Variants in AKAP13 observed in about 807,000 individuals in gnomAD.
The protein encoded by AKAP13 is A-kinase anchoring protein 13, also known as A-kinase anchor protein 13.
AKAP13 carries 80 observed loss-of-function variants against 264.5 expected under a neutral mutation model. The observed-to-expected ratio is 0.30, with a 90% CI of 0.25 to 0.36. The LOEUF (loss-of-function observed/expected upper bound fraction) is 0.36, where lower values mean the gene tolerates loss of function less well. Among genes scored for constraint, AKAP13 ranks in the 10% least tolerant of loss-of-function variants. The pLI is 1.00. For missense variants in AKAP13, 3,712 were observed against 3,435.2 expected (o/e 1.08, Z -2.01); for synonymous variants, 1,380 against 1,250.2 (o/e 1.10, Z -2.19).
intron 26 of AKAP13, among the ~76,000 whole-genome samples, chr15:85,725,734 A>G (rs1487401699): frequency 6.6e-6 from 1 of 152,216 alleles, no homozygotes; most frequent in Non-Finnish European, 1.5e-5. Flanking sequence ...ACATCAAACC[A>G]TCCTCAGGAG....
intron 8 of AKAP13, among the ~76,000 whole-genome samples, chr15:85,624,181 A>C (rs1389523677): frequency 6.6e-6 from 1 of 152,252 alleles, no homozygotes; most frequent in African/African-American, 2.4e-5. Context: ...GTACCTGGAA[A>C]AATACTGCCT....
At chr15:85,722,885 T>G (rs1358093628) in intron 25 of AKAP13, among the ~76,000 whole-genome samples, 187 bp from the exon 26 acceptor site, 3 of 152,228 alleles carry the variant, frequency 2.0e-5, no homozygotes, top group African/African-American at 7.2e-5. Flanking sequence ...TGAAAACTTC[T>G]GACTTTTTTT....
rs536886638 is a variant in AKAP13, at chr15:85,619,467, G to A, written c.4162-19907G>A. 1.9e-5 allele frequency: 19 copies of A among 985,360 alleles called. No homozygotes were observed. The African/African-American group carries it at 3.3e-4, about 17-fold the overall frequency. The allele number at this position is 985,360 out of a possible 1,614,324, so 61.0% of individuals were successfully genotyped here. ...CCAAGCCCTACTGCCTGGTGAGCAA[G>A]AGAGATTCCAAAGACTTTACTTTGA... is the stretch of plus-strand genomic sequence containing the variant. On this transcript the variant is annotated intron_variant, in intron 8 of 36. Coordinates refer to ENST00000394518, the MANE Select transcript of AKAP13 (RefSeq NM_007200.5).
At chr15:85,483,375 C>T (rs2075407065) in intron 1 of AKAP13, among the ~76,000 whole-genome samples, 1 of 152,178 alleles carries the variant, frequency 6.6e-6, no homozygotes, top group African/African-American at 2.4e-5. Context: ...GCCTGTAATC[C>T]CAGCACTTTG....
intron 19 of AKAP13, among the ~76,000 whole-genome samples, chr15:85,713,603 T>C (rs1425366725): frequency 6.6e-6 from 1 of 152,124 alleles, no homozygotes; most frequent in Non-Finnish European, 1.5e-5. Flanking sequence ...TAGGGCCACA[T>C]CCCATAATCC....
At chr15:85,517,747 G>T (rs548320908) in intron 2 of AKAP13, among the ~76,000 whole-genome samples, 2 of 152,206 alleles carry the variant, frequency 1.3e-5, no homozygotes, top group South Asian at 4.1e-4. Context: ...GGGGTGGGGG[G>T]AGCTAACCTA....
At chr15:85,488,737 A>G (rs1232250282) in intron 2 of AKAP13, among the ~76,000 whole-genome samples, 1 of 152,208 alleles carries the variant, frequency 6.6e-6, no homozygotes, top group Non-Finnish European at 1.5e-5. Context: ...GCAGCTCTAG[A>G]AGCTGGAAAT....
At chr15:85,686,519 C>T (rs1724720673) in intron 16 of AKAP13, among the ~76,000 whole-genome samples, 3 of 151,426 alleles carry the variant, frequency 2.0e-5, no homozygotes, top group African/African-American at 2.4e-5. Flanking sequence ...AGAAAGTAGG[C>T]AATCAGGGAG....
intron 35 of AKAP13, 44 bp from the exon 36 acceptor site, chr15:85,743,448 G>C: frequency 6.3e-7 from 1 of 1,582,706 alleles, no homozygotes; most frequent in South Asian, 1.1e-5. Context: ...CATCACGGAC[G>C]CTGACAGCCT....
Position 85,581,897 on chromosome 15 carries a change from C to T in AKAP13, c.3829C>T (p.His1277Tyr), listed in dbSNP as rs374061085. 9.9e-6 allele frequency: 16 copies of T among 1,614,144 alleles called. No homozygotes were observed. In the African/African-American group the frequency reaches 1.7e-4, roughly 17 times the overall value. The part of the protein sequence containing the change: ...GALLTEGEAC[H>Y]MSLSSPELGP... ...ACTGCTTACTGAGGGGGAGGCCTGT[C>T]ACATGTCACTGTCCAGCCCTGAGTT... Residue 1277 changes from histidine (H) to tyrosine (Y), a missense_variant, in exon 7 of 37, where the codon CAC (histidine) becomes TAC (tyrosine). His to Tyr is a moderately conservative substitution (Grantham distance 83, BLOSUM62 2). Transcript: ENST00000394518.
rs188129251 is a variant in AKAP13, at chr15:85,390,510, G to T, written c.-12+9712G>T. ...GATAAGGTTTGTATGTGTAGCCAGA[G>T]ACCAGATCAAATAGGCTCTTAGGTA... On this transcript the variant is annotated intron_variant, in intron 1 of 36. Coordinates refer to ENST00000394518, the MANE Select transcript of AKAP13 (RefSeq NM_007200.5). Among the ~76,000 whole-genome samples, 54 of 152,330 alleles carry T rather than the reference G, an allele frequency of 3.5e-4. No homozygotes were observed. In the Middle Eastern group the frequency reaches 0.01, roughly 29 times the overall value.
intron 14 of AKAP13, among the ~76,000 whole-genome samples, chr15:85,680,603 C>T (rs1255584183): frequency 6.6e-6 from 1 of 152,054 alleles, no homozygotes; most frequent in Non-Finnish European, 1.5e-5. Context: ...AATGGCTCAC[C>T]CCTGTAATCC....
At position 85,718,898 on chromosome 15, in the gene AKAP13, TAAA is replaced by T; in HGVS notation, c.6002-170_6002-168del. 1 of 730,018 alleles carries T rather than the reference TAAA, an allele frequency of 1.4e-6. No homozygotes were observed. Among genetic ancestry groups the T allele is most frequent in the Non-Finnish European group, 2.1e-6 (1 of 486,664 alleles). 45.2% of individuals were successfully genotyped at this position (730,018 alleles called of 1,614,324 possible). The stretch of plus-strand genomic sequence containing the variant: ...TGGGTGACAGAGCCAGAACCTGTCT[TAAA>T]AAAAAAACAAAAAAACAAAAAAACG... On this transcript the variant is annotated intron_variant, in intron 22 of 36. Transcript: ENST00000394518. This position sits in a 1 kb window ranked among gnomAD's most constrained non-coding sequence, Gnocchi z 4.9.
intron 33 of AKAP13, among the ~76,000 whole-genome samples, chr15:85,737,456 C>T (rs2430841): frequency 0.9 from 137,036 of 152,212 alleles, 61,879 homozygotes; most frequent in East Asian, 0.98. Flanking sequence ...AGGATGTTGA[C>T]TGTGTTTCTT....
intron 1 of AKAP13, among the ~76,000 whole-genome samples, chr15:85,420,490 TA>T (rs1011006642): frequency 7.2e-5 from 11 of 152,278 alleles, no homozygotes; most frequent in African/African-American, 2.6e-4. Context: ...ATTATGTTTT[TA>T]TTCAATATGA....
At chr15:85,497,564 G>A (rs1249087977) in intron 2 of AKAP13, among the ~76,000 whole-genome samples, 2 of 152,164 alleles carry the variant, frequency 1.3e-5, no homozygotes, top group Non-Finnish European at 2.9e-5. Context: ...ACCAGGGTGG[G>A]CAGTTCACAT....
At chr15:85,434,895 ACT>A (rs1260540439) in intron 1 of AKAP13, among the ~76,000 whole-genome samples, 1 of 150,254 alleles carries the variant, frequency 6.7e-6, no homozygotes, top group Non-Finnish European at 1.5e-5. Context: ...AAAACTGGAA[ACT>A]CTAAAATGCA....
intron 2 of AKAP13, among the ~76,000 whole-genome samples, chr15:85,496,670 C>T (rs1407660817): frequency 6.6e-6 from 1 of 152,170 alleles, no homozygotes; most frequent in African/African-American, 2.4e-5. Context: ...CCTGGCTGTG[C>T]TTCTCACTTG....
At chr15:85,553,478 G>T (rs1292838701) in intron 5 of AKAP13, among the ~76,000 whole-genome samples, 1 of 152,172 alleles carries the variant, frequency 6.6e-6, no homozygotes, top group Non-Finnish European at 1.5e-5. Context: ...TATCTAGCCG[G>T]TGCACTATCT....
Sources: gnomAD v4.1 joint callset for allele counts (sites outside exome capture counted in the v4.1 genomes callset) on GRCh38, gnomAD v4.1.1 for gene constraint, Gnocchi (gnomAD v3.1) non-coding constraint, MANE v1.5 for transcripts, NCBI Gene and HGNC (gene_info 2026-07-23, HGNC 2026-07-21) for gene names.